Variants in OXCT1 observed in about 807,000 individuals in gnomAD.
OXCT1 encodes the protein 3-oxoacid CoA-transferase 1.
A neutral mutation model predicts 69.6 loss-of-function variants in OXCT1; 27 were observed. That is an observed-to-expected ratio of 0.39 (90% confidence interval 0.29 to 0.54). The LOEUF (loss-of-function observed/expected upper bound fraction) is 0.54, where lower values mean the gene tolerates loss of function less well. Ranked by LOEUF, OXCT1 falls within the 20% of genes least tolerant of loss-of-function variation. OXCT1 has a pLI of 0.72. For synonymous variants in OXCT1, 202 were observed against 217.8 expected (o/e 0.93, Z 0.64); for missense variants, 437 against 650.2 (o/e 0.67, Z 3.57).
intron 15 of OXCT1, among the ~76,000 whole-genome samples, chr5:41,743,721 A>G (rs1743315749): frequency 6.6e-6 from 1 of 152,182 alleles, no homozygotes; most frequent in Admixed American, 6.5e-5. Flanking sequence ...TCCCAGCACC[A>G]TTTATTAAAT....
At position 41,762,840 on chromosome 5, in the gene OXCT1, GC is replaced by G. The variant is rs1412679722; in HGVS notation, c.1249-641del. ...TTATCATTCTATTTTTGATCATCTG[GC>G]CATCCCTTCATTCATTATACTTTTA... On this transcript the variant is annotated intron_variant, in intron 13 of 16. Transcript: ENST00000196371. The surrounding 1 kb of genome is among the most constrained non-coding windows in gnomAD (Gnocchi z 4.0). Among the ~76,000 whole-genome samples the G allele has an allele frequency of 1.3e-5, 2 of 151,968 alleles. No homozygotes were observed. The highest frequency in any genetic ancestry group is 2.4e-5 in the African/African-American group (1 of 41,380).
At chr5:41,840,059 C>T (rs1004198364) in intron 7 of OXCT1, among the ~76,000 whole-genome samples, 68 of 152,336 alleles carry the variant, frequency 4.5e-4, no homozygotes, top group East Asian at 1.9e-4. Context: ...CAATGCTCTT[C>T]CCTTAAAGAA....
chr5:41,734,015 T>G (rs1742768291), intron 16 of OXCT1, among the ~76,000 whole-genome samples: 1 of 152,224 alleles, frequency 6.6e-6, no homozygotes, highest in Non-Finnish European at 1.5e-5. Context: ...GAGTATAAAT[T>G]TATTCAATTA....
chr5:41,786,071 T>C (rs1161764204), intron 13 of OXCT1, among the ~76,000 whole-genome samples: 1 of 152,136 alleles, frequency 6.6e-6, no homozygotes, highest in Non-Finnish European at 1.5e-5. Context: ...GTTAATGCTT[T>C]GTCAACAGGA....
intron 7 of OXCT1, among the ~76,000 whole-genome samples, chr5:41,816,620 G>A (rs1332309468): frequency 6.6e-6 from 1 of 152,148 alleles, no homozygotes; most frequent in Non-Finnish European, 1.5e-5. Context: ...TGAGAGGAGT[G>A]TGGCTATGCA....
intron 7 of OXCT1, among the ~76,000 whole-genome samples, chr5:41,815,576 A>T (rs1362780210): frequency 6.6e-6 from 1 of 152,164 alleles, no homozygotes; most frequent in African/African-American, 2.4e-5. Flanking sequence ...TTCATTTGTC[A>T]TATCTCTTTT....
intron 14 of OXCT1, among the ~76,000 whole-genome samples, chr5:41,758,649 A>G (rs1349313696): frequency 6.6e-6 from 1 of 152,132 alleles, no homozygotes. Context: ...GAGGGAACCC[A>G]TAAAGGAAGG....
intron 13 of OXCT1, among the ~76,000 whole-genome samples, chr5:41,790,681 T>C (rs548663360): frequency 1.3e-5 from 2 of 152,266 alleles, no homozygotes; most frequent in African/African-American, 4.8e-5. Flanking sequence ...AAAAATAATA[T>C]AATAAAGCTG....
chr5:41,858,813 C>A (rs1749577623), intron 3 of OXCT1, among the ~76,000 whole-genome samples: 1 of 152,118 alleles, frequency 6.6e-6, no homozygotes, highest in Non-Finnish European at 1.5e-5. Context: ...ATACTTAAAT[C>A]TGGATTAGAT....
chr5:41,767,326 TG>T (rs1427270943), intron 13 of OXCT1, among the ~76,000 whole-genome samples: 1 of 152,108 alleles, frequency 6.6e-6, no homozygotes, highest in Non-Finnish European at 1.5e-5. Context: ...CCAACTAATA[TG>T]GAACGAGAAA....
intron 15 of OXCT1, among the ~76,000 whole-genome samples, chr5:41,743,039 T>G (rs1280962920): frequency 1.3e-5 from 2 of 152,282 alleles, no homozygotes; most frequent in South Asian, 2.1e-4. Flanking sequence ...TTCTAGATCC[T>G]TGAGGAATCA....
chr5:41,736,878 G>A (rs1338270452), intron 16 of OXCT1, among the ~76,000 whole-genome samples: 1 of 152,186 alleles, frequency 6.6e-6, no homozygotes, highest in Non-Finnish European at 1.5e-5. Context: ...CACATATGGA[G>A]TACAATGCTA....
intron 9 of OXCT1, among the ~76,000 whole-genome samples, chr5:41,803,376 A>T (rs1746512865): frequency 6.6e-6 from 1 of 152,092 alleles, no homozygotes; most frequent in South Asian, 2.1e-4. Flanking sequence ...AGTAACATTA[A>T]TATCAAAGTA....
chr5:41,796,824 A>G (rs527462855), intron 11 of OXCT1, among the ~76,000 whole-genome samples: 4 of 152,342 alleles, frequency 2.6e-5, no homozygotes, highest in Admixed American at 2.6e-4. Flanking sequence ...GCACAGAGAA[A>G]GGGCTTTATA....
At chr5:41,758,984 G>A (rs1744216277) in intron 14 of OXCT1, among the ~76,000 whole-genome samples, 1 of 151,722 alleles carries the variant, frequency 6.6e-6, no homozygotes, top group African/African-American at 2.4e-5. Flanking sequence ...AGGAAGAAAT[G>A]GAGATAGGTA....
intron 13 of OXCT1, among the ~76,000 whole-genome samples, chr5:41,782,884 G>A (rs1413487324): frequency 6.6e-6 from 1 of 152,194 alleles, no homozygotes; most frequent in African/African-American, 2.4e-5. Flanking sequence ...ACTAATTAGA[G>A]TTTTGCAGCC....
intron 7 of OXCT1, among the ~76,000 whole-genome samples, chr5:41,819,662 CTTT>C (rs750306605): frequency 1.4e-5 from 2 of 139,126 alleles, no homozygotes; most frequent in Admixed American, 7.2e-5. Flanking sequence ...GAGCCACCTT[CTTT>C]TTTTTTTTTT....
rs901769535 is a variant in OXCT1 at position 41,761,313 on chromosome 5, G to A, written c.1338+798C>T. 7.5e-4 allele frequency among the ~76,000 whole-genome samples: 114 copies of A among 151,966 alleles called. 1 individual carries two copies. The highest frequency in any genetic ancestry group is 1.2e-4 in the Non-Finnish European group (8 of 67,960). On this transcript the variant is annotated intron_variant, in intron 14 of 16. Coordinates refer to ENST00000196371, the MANE Select transcript of OXCT1 (RefSeq NM_000436.4). ...GTTCTACTAGTTCTAACAGAACTTC[G>A]GGCAAGTTACTTAACCTCTCTAAAG... is the stretch of plus-strand genomic sequence containing the variant.
intron 7 of OXCT1, 118 bp downstream of exon 7, chr5:41,840,332 CA>C (rs11394511): frequency 0.014 from 8,516 of 617,790 alleles, no homozygotes; most frequent in South Asian, 0.021. Context: ...ATTTCCAAAA[CA>C]AAAAAAAAAG....
Sources: gnomAD v4.1 joint callset for allele counts (sites outside exome capture counted in the v4.1 genomes callset) on GRCh38, gnomAD v4.1.1 for gene constraint, Gnocchi (gnomAD v3.1) non-coding constraint, MANE v1.5 for transcripts, NCBI Gene and HGNC (gene_info 2026-07-23, HGNC 2026-07-21) for gene names.